PDZRN3: variants seen among roughly 807,000 people sequenced by gnomAD.
PDZRN3 encodes the protein E3 ubiquitin-protein ligase PDZRN3.
Under a neutral mutation model 85.7 loss-of-function variants are expected in PDZRN3, and 38 were observed. The observed-to-expected ratio is 0.44, with a 90% CI of 0.34 to 0.58. The LOEUF (loss-of-function observed/expected upper bound fraction) is 0.58. Among genes scored for constraint, PDZRN3 ranks in the 20% least tolerant of loss-of-function variants. The probability of loss-of-function intolerance (pLI) is 0.01; values close to 1 mark genes in which losing one functional copy is unlikely to be tolerated. For synonymous variants in PDZRN3, 759 were observed against 638.0 expected, an observed-to-expected ratio of 1.19 and a Z score of -2.86; for missense variants, 1,629 against 1,506.4, an observed-to-expected ratio of 1.08 and a Z score of -1.35.
At chr3:73,390,961 A>AT in intron 6 of PDZRN3, 57 bp downstream of exon 6, 1 of 1,213,062 alleles carries the variant, frequency 8.2e-7, no homozygotes, top group Non-Finnish European at 1.2e-6. Flanking sequence ...GAACATGAAA[A>AT]AAAAAACCCT....
intron 3 of PDZRN3, among the ~76,000 whole-genome samples, chr3:73,515,165 A>C (rs1424341198): frequency 8.5e-5 from 12 of 141,630 alleles, no homozygotes; most frequent in Non-Finnish European, 1.5e-5. Context: ...TTCCACCAAC[A>C]ATCAGCCCTT....
chr3:73,573,739 C>T (rs1485281965), intron 3 of PDZRN3, among the ~76,000 whole-genome samples: 1 of 152,138 alleles, frequency 6.6e-6, no homozygotes, highest in Non-Finnish European at 1.5e-5. Context: ...CTTTAGCAGG[C>T]TTTAAAAATA....
chr3:73,544,466 A>G (rs1701371867), intron 3 of PDZRN3, among the ~76,000 whole-genome samples: 1 of 152,176 alleles, frequency 6.6e-6, no homozygotes, highest in African/African-American at 2.4e-5. Flanking sequence ...ACAAATAAAA[A>G]TAATTTAAGG....
At chr3:73,551,668 AAC>A in intron 3 of PDZRN3, among the ~76,000 whole-genome samples, 1 of 147,498 alleles carries the variant, frequency 6.8e-6, no homozygotes, top group Non-Finnish European at 1.5e-5. Context: ...CAGCCTGGGC[AAC>A]AGAGTGAGAC....
intron 3 of PDZRN3, among the ~76,000 whole-genome samples, chr3:73,576,885 G>GT (rs940405437): frequency 2.0e-5 from 3 of 151,442 alleles, no homozygotes; most frequent in African/African-American, 7.3e-5. Flanking sequence ...ATTAGAATAA[G>GT]TAAAAAAAAA....
At chr3:73,568,274 T>C (rs1701983825) in intron 3 of PDZRN3, among the ~76,000 whole-genome samples, 1 of 152,142 alleles carries the variant, frequency 6.6e-6, no homozygotes, top group African/African-American at 2.4e-5. Context: ...GAAAGTCTTT[T>C]TTTTTCTTTT....
intron 1 of PDZRN3, among the ~76,000 whole-genome samples, chr3:73,616,814 T>C (rs1702769458): frequency 6.6e-6 from 1 of 152,144 alleles, no homozygotes; most frequent in Non-Finnish European, 1.5e-5. Context: ...ACAACAGGCA[T>C]ATTATGATCC....
intron 3 of PDZRN3, among the ~76,000 whole-genome samples, chr3:73,464,554 G>C (rs1703174420): frequency 6.6e-6 from 1 of 151,982 alleles, no homozygotes; most frequent in Admixed American, 6.6e-5. Context: ...TAACTATTCT[G>C]TCTCTTCCCT....
At chr3:73,500,098 C>T (rs561874668) in intron 3 of PDZRN3, among the ~76,000 whole-genome samples, 2 of 152,302 alleles carry the variant, frequency 1.3e-5, no homozygotes, top group African/African-American at 4.8e-5. Flanking sequence ...CTATGTCACC[C>T]TGGATAGAAT....
intron 4 of PDZRN3, among the ~76,000 whole-genome samples, chr3:73,402,860 T>C (rs1318994115): frequency 6.6e-6 from 1 of 151,548 alleles, no homozygotes. Flanking sequence ...GAGATGGAGC[T>C]GAGATGAGAA....
chr3:73,466,122 A>C (rs1022527633), intron 3 of PDZRN3, among the ~76,000 whole-genome samples: 3 of 152,202 alleles, frequency 2.0e-5, no homozygotes, highest in African/African-American at 7.2e-5. Flanking sequence ...ATATAACACC[A>C]GTTTATTCAC....
At chr3:73,400,870 T>C (rs1008684313) in intron 5 of PDZRN3, 52 bp downstream of exon 5, 1 of 1,248,642 alleles carries the variant, frequency 8.0e-7, no homozygotes, top group Non-Finnish European at 1.2e-6. Flanking sequence ...TTATTAGGCA[T>C]TCTGTGTTCT....
At chr3:73,544,047 T>C (rs1411208050) in intron 3 of PDZRN3, among the ~76,000 whole-genome samples, 1 of 152,212 alleles carries the variant, frequency 6.6e-6, no homozygotes, top group Non-Finnish European at 1.5e-5. Context: ...CCTCGGTCTC[T>C]ACTAAAAATA....
At chr3:73,575,496 C>T (rs568406611) in intron 3 of PDZRN3, among the ~76,000 whole-genome samples, 6 of 152,184 alleles carry the variant, frequency 3.9e-5, no homozygotes, top group South Asian at 4.2e-4. Flanking sequence ...AGTAGAAACG[C>T]GAGAAACAGC....
At chr3:73,496,336 T>C (rs1251596704) in intron 3 of PDZRN3, among the ~76,000 whole-genome samples, 1 of 151,690 alleles carries the variant, frequency 6.6e-6, no homozygotes, top group Admixed American at 6.6e-5. Flanking sequence ...TTTGATTCCT[T>C]ATTAACACTT....
At chr3:73,448,619 T>A (rs1244794453) in intron 3 of PDZRN3, among the ~76,000 whole-genome samples, 4 of 152,170 alleles carry the variant, frequency 2.6e-5, no homozygotes, top group Non-Finnish European at 5.9e-5. Flanking sequence ...TAAGCTGCTA[T>A]ACAGACCACA....
intron 3 of PDZRN3, among the ~76,000 whole-genome samples, chr3:73,529,765 CAAACAAACCAA>C (rs1314634148): frequency 6.6e-6 from 1 of 152,330 alleles, no homozygotes; most frequent in East Asian, 1.9e-4. Context: ...TTAATTCCCT[CAAACAAACCAA>C]AAACAAACAT....
intron 3 of PDZRN3, among the ~76,000 whole-genome samples, chr3:73,540,763 C>T (rs1226033852): frequency 6.6e-6 from 1 of 152,148 alleles, no homozygotes; most frequent in Non-Finnish European, 1.5e-5. Flanking sequence ...ATTATCCATT[C>T]TTGGGCAGTT....
chr3:73,616,529 T>G (rs1324579561), intron 1 of PDZRN3, among the ~76,000 whole-genome samples: 6 of 152,132 alleles, frequency 3.9e-5, no homozygotes, highest in Non-Finnish European at 8.8e-5. Flanking sequence ...CTTTCACACA[T>G]TTCCACCACT....
Sources: gnomAD v4.1 joint callset for allele counts (sites outside exome capture counted in the v4.1 genomes callset) on GRCh38, gnomAD v4.1.1 for gene constraint, MANE v1.5 for transcripts, NCBI Gene and HGNC (gene_info 2026-07-23, HGNC 2026-07-21) for gene names.